Variants in RASGEF1B observed in about 807,000 individuals in gnomAD.
The protein encoded by RASGEF1B is ras-GEF domain-containing family member 1B.
A neutral mutation model predicts 65.7 loss-of-function variants in RASGEF1B; 30 were observed. That is an observed-to-expected ratio of 0.46 (90% CI 0.34 to 0.62). RASGEF1B has a LOEUF of 0.62. Ranked by LOEUF, RASGEF1B falls within the 20% of genes least tolerant of loss-of-function variation. The pLI is 0.01. For missense variants in RASGEF1B, 495 were observed against 580.1 expected (o/e 0.85, Z 1.51); for synonymous variants, 175 against 194.8 (o/e 0.90, Z 0.85).
chr4:81,453,611 A>G (rs964977502), intron 4 of RASGEF1B: 1 of 152,202 alleles, frequency 6.6e-6, no homozygotes, highest in African/African-American at 2.4e-5. Context: ...ATCATTACTC[A>G]TCACAGAGTG....
intron 10 of RASGEF1B, among the ~76,000 whole-genome samples, chr4:81,437,846 C>T (rs1311010102): frequency 6.6e-6 from 1 of 152,176 alleles, no homozygotes; most frequent in Non-Finnish European, 1.5e-5. Flanking sequence ...GTAGCCCCTA[C>T]ACAAATCTAA....
intron 4 of RASGEF1B, chr4:81,454,715 G>A (rs1722383998): frequency 6.6e-6 from 1 of 152,210 alleles, no homozygotes; most frequent in African/African-American, 2.4e-5. Context: ...AACTTGCACA[G>A]TGACTCAGGA....
intron 10 of RASGEF1B, 42 bp downstream of exon 10, chr4:81,440,792 C>G: frequency 7.5e-7 from 1 of 1,329,650 alleles, no homozygotes; most frequent in South Asian, 1.2e-5. Context: ...GCATAAAACA[C>G]AGCAACTCTA....
rs1721991203 is a variant in RASGEF1B, at chr4:81,445,607, C to G, written c.847G>C (p.Ala283Pro). Residue 283 changes from alanine (A) to proline (P), a missense_variant, in exon 8 of 14, where the codon GCA becomes CCA. Physicochemically the swap from Ala to Pro is conservative, Grantham distance 27. Coordinates refer to ENST00000264400, the MANE Select transcript of RASGEF1B (RefSeq NM_152545.3). ...TCAATGAAATACTCAATCATTCTTG[C>G]TCGGTGTTTTTTCTTAACAGGCTAC... ...ICMPVKKKHR[A>P]RMIEYFIDVA... is the part of the protein sequence containing the mutation. The G allele has an allele frequency of 6.2e-7, 1 of 1,614,002 alleles. No individual in the cohort carries two copies. The highest frequency in any genetic ancestry group is 8.5e-7 in the Non-Finnish European group (1 of 1,179,886).
At chr4:81,434,556 G>T in intron 11 of RASGEF1B, 83 bp downstream of exon 11, 2 of 792,260 alleles carry the variant, frequency 2.5e-6, no homozygotes, top group East Asian at 5.1e-5. Context: ...ATTGGCTTTG[G>T]CTGCCTGGCC....
At chr4:81,443,525 T>C (rs1406112291) in intron 8 of RASGEF1B, among the ~76,000 whole-genome samples, 2 of 152,218 alleles carry the variant, frequency 1.3e-5, no homozygotes, top group Non-Finnish European at 2.9e-5. Context: ...ATCAATGAAA[T>C]CATACTGTAT....
chr4:81,445,945 G>T (rs1489420102), intron 6 of RASGEF1B, 107 bp from the exon 7 acceptor site: 3 of 748,420 alleles, frequency 4.0e-6, no homozygotes, highest in African/African-American at 1.8e-5. Context: ...GATTAGGAAA[G>T]CTTTTGAGAA....
chr4:81,427,564 A>T lies in RASGEF1B; in HGVS notation c.*204T>A. ...TGTCTTCAGTGAACATTTCAGTCTC[A>T]CAAAATCTGAGTCTATCTGTCAGCT... is the stretch of plus-strand genomic sequence containing the variant. On this transcript the variant is annotated 3_prime_UTR_variant, in exon 14 of 14. Transcript: ENST00000264400. 3.8e-6 allele frequency: 2 copies of T among 526,780 alleles called. No individual in the cohort carries two copies. Among genetic ancestry groups the T allele is most frequent in the East Asian group, 6.3e-5 (2 of 31,950 alleles). The allele number at this position is 526,780 out of a possible 1,614,324, so 32.6% of individuals were successfully genotyped here.
At chr4:81,443,875 T>C (rs1313201370) in intron 8 of RASGEF1B, among the ~76,000 whole-genome samples, 1 of 152,344 alleles carries the variant, frequency 6.6e-6, no homozygotes, top group Admixed American at 6.5e-5. Flanking sequence ...AGTAGTACCA[T>C]TTTATACTCC....
chr4:81,429,772 C>T (rs1721355886), intron 13 of RASGEF1B, among the ~76,000 whole-genome samples: 1 of 151,838 alleles, frequency 6.6e-6, no homozygotes, highest in African/African-American at 2.4e-5. Flanking sequence ...GACAGACTGG[C>T]GGGATGAGGC....
chr4:81,448,404 G>A (rs1461274270), intron 4 of RASGEF1B, 120 bp from the exon 5 acceptor site: 3 of 788,096 alleles, frequency 3.8e-6, no homozygotes, highest in Non-Finnish European at 4.2e-6. Flanking sequence ...ACTTGGTTAA[G>A]GGCAGTTACG....
In RASGEF1B at chr4:81,426,502, A is replaced by G. The variant is rs900480482; in HGVS notation, c.*1266T>C. 1 of 152,192 alleles carries G rather than the reference A, an allele frequency of 6.6e-6. No individual in the cohort carries two copies. The highest frequency in any genetic ancestry group is 2.4e-5 in the African/African-American group (1 of 41,456). The allele number at this position is 152,192 out of a possible 1,614,324, so 9.4% of individuals were successfully genotyped here. A position where few individuals can be genotyped will look rare whatever the true frequency, so the allele number is the denominator to read the frequency against. ...ATACATACATGCTCTAGTTTTTGGA[A>G]CCATGTCATTAAGTTTTCAAATACA... On this transcript the variant is annotated 3_prime_UTR_variant, in exon 14 of 14. Coordinates refer to ENST00000264400, the MANE Select transcript of RASGEF1B (RefSeq NM_152545.3).
chr4:81,438,085 T>C (rs1721696169), intron 10 of RASGEF1B, among the ~76,000 whole-genome samples: 2 of 152,042 alleles, frequency 1.3e-5, no homozygotes, highest in Admixed American at 1.3e-4. Context: ...CACCTAGAAA[T>C]GAATGCTGAT....
intron 4 of RASGEF1B, chr4:81,454,956 A>G (rs1227732457): frequency 1.3e-5 from 2 of 152,236 alleles, no homozygotes; most frequent in African/African-American, 4.8e-5. Context: ...GCCACTTATT[A>G]TCATCTAACT....
intron 2 of RASGEF1B, 51 bp downstream of exon 2, chr4:81,459,281 C>A (rs549727630): frequency 1.4e-6 from 2 of 1,406,488 alleles, no homozygotes; most frequent in Non-Finnish European, 1.9e-6. Context: ...TACTGTACTG[C>A]AATTTCTACT....
At chr4:81,465,994 C>T (rs1445076122) in intron 1 of RASGEF1B, among the ~76,000 whole-genome samples, 1 of 152,112 alleles carries the variant, frequency 6.6e-6, no homozygotes, top group Non-Finnish European at 1.5e-5. Context: ...TTAATAAATC[C>T]AATGCCTTGA....
chr4:81,450,779 C>T (rs1722231159), intron 4 of RASGEF1B: 2 of 152,156 alleles, frequency 1.3e-5, no homozygotes, highest in African/African-American at 2.4e-5. Flanking sequence ...GGGAGGATTG[C>T]TTGAGCCAGG....
intron 4 of RASGEF1B, chr4:81,454,348 G>T (rs1437727570): frequency 6.6e-6 from 1 of 152,156 alleles, no homozygotes; most frequent in African/African-American, 2.4e-5. Context: ...GTTTCTTTTG[G>T]AAAGAACTAA....
chr4:81,455,774 T>G (rs1047945369), intron 4 of RASGEF1B: 5 of 152,198 alleles, frequency 3.3e-5, no homozygotes, highest in African/African-American at 1.2e-4. Flanking sequence ...GGAAGTGATA[T>G]TTATGAAAGC....
Sources: gnomAD v4.1 joint callset for allele counts (sites outside exome capture counted in the v4.1 genomes callset) on GRCh38, gnomAD v4.1.1 for gene constraint, MANE v1.5 for transcripts, NCBI Gene and HGNC (gene_info 2026-07-23, HGNC 2026-07-21) for gene names.